Variants in ITPR2 observed in about 807,000 individuals in gnomAD.
ITPR2 encodes inositol 1,4,5-trisphosphate receptor type 2.
ITPR2 carries 207 observed loss-of-function variants against 317.1 expected under a neutral mutation model. The observed-to-expected ratio is 0.65, with a 90% CI of 0.58 to 0.73. ITPR2 has a LOEUF of 0.73. ITPR2 is among the 30% of genes least tolerant of loss of function. The pLI is 0.00. For missense variants in ITPR2, 2,613 were observed against 3,284.0 expected (o/e 0.80, Z 4.99); for synonymous variants, 1,156 against 1,149.1 (o/e 1.01, Z -0.12).
chr12:26,787,200 A>G (rs377107992), intron 2 of ITPR2, among the ~76,000 whole-genome samples: 18 of 152,358 alleles, frequency 1.2e-4, no homozygotes, highest in African/African-American at 4.1e-4. Context: ...TAAACAATGC[A>G]TCATGGGAGA....
At chr12:26,625,034 GCAA>G (rs1946589439) in intron 23 of ITPR2, among the ~76,000 whole-genome samples, 1 of 152,072 alleles carries the variant, frequency 6.6e-6, no homozygotes, top group Non-Finnish European at 1.5e-5. Flanking sequence ...CCTGTCATCT[GCAA>G]CAACATGGAT....
chr12:26,511,440 G>C (rs1943343379), intron 37 of ITPR2, among the ~76,000 whole-genome samples: 1 of 152,152 alleles, frequency 6.6e-6, no homozygotes, highest in East Asian at 1.9e-4. Context: ...CTATTTGGTT[G>C]GTATGATTTT....
At chr12:26,601,439 C>G (rs1179183645) in intron 28 of ITPR2, among the ~76,000 whole-genome samples, 1 of 151,906 alleles carries the variant, frequency 6.6e-6, no homozygotes, top group African/African-American at 2.4e-5. Context: ...AGAGTCGAAG[C>G]AAGGAGAATA....
chr12:26,513,066 C>A (rs1331276980), intron 37 of ITPR2, among the ~76,000 whole-genome samples: 3 of 152,094 alleles, frequency 2.0e-5, no homozygotes, highest in African/African-American at 7.2e-5. Context: ...TGATCTTGAA[C>A]TCCTGACCTC....
chr12:26,826,718 G>A (rs1371765438), intron 1 of ITPR2, among the ~76,000 whole-genome samples: 1 of 152,110 alleles, frequency 6.6e-6, no homozygotes, highest in Non-Finnish European at 1.5e-5. Flanking sequence ...TCAAGGCAAA[G>A]GTGGCTATCA....
intron 37 of ITPR2, among the ~76,000 whole-genome samples, chr12:26,515,106 A>G (rs1031841695): frequency 3.9e-5 from 6 of 152,230 alleles, no homozygotes; most frequent in Non-Finnish European, 8.8e-5. Flanking sequence ...TCTTACTCAG[A>G]TTGAACCAGT....
intron 26 of ITPR2, among the ~76,000 whole-genome samples, chr12:26,616,794 C>A (rs996448614): frequency 2.6e-5 from 4 of 152,108 alleles, no homozygotes; most frequent in South Asian, 4.1e-4. Context: ...CCTCTGCCCC[C>A]CTTCAGACAG....
chr12:26,378,343 C>T (rs558950538), intron 55 of ITPR2, among the ~76,000 whole-genome samples: 1 of 152,020 alleles, frequency 6.6e-6, no homozygotes, highest in East Asian at 1.9e-4. Context: ...AGAAGGCACA[C>T]GTGGGCCGAG....
chr12:26,796,396 C>A (rs1434495207), intron 1 of ITPR2, among the ~76,000 whole-genome samples: 2 of 151,998 alleles, frequency 1.3e-5, no homozygotes, highest in Non-Finnish European at 2.9e-5. Flanking sequence ...AAATTTAAGT[C>A]AAATGAAAAT....
At chr12:26,560,279 C>T (rs1002334818) in intron 35 of ITPR2, among the ~76,000 whole-genome samples, 1 of 152,062 alleles carries the variant, frequency 6.6e-6, no homozygotes, top group African/African-American at 2.4e-5. Flanking sequence ...CTACCCTTAG[C>T]CTCTCATAGG....
chr12:26,630,057 G>A (rs1946713869), intron 22 of ITPR2, among the ~76,000 whole-genome samples: 1 of 152,196 alleles, frequency 6.6e-6, no homozygotes, highest in Non-Finnish European at 1.5e-5. Flanking sequence ...GACAGCTCAT[G>A]GGAAAAGAGG....
chr12:26,538,140 G>A (rs1417586552), intron 37 of ITPR2, among the ~76,000 whole-genome samples: 2 of 152,162 alleles, frequency 1.3e-5, no homozygotes, highest in Non-Finnish European at 2.9e-5. Flanking sequence ...GGGCCAGATT[G>A]GCTGGATTTT....
chr12:26,521,188 C>A (rs1263325925), intron 37 of ITPR2, among the ~76,000 whole-genome samples: 1 of 152,076 alleles, frequency 6.6e-6, no homozygotes, highest in East Asian at 1.9e-4. Context: ...AATAGTTATA[C>A]AAAACTGACA....
chr12:26,621,226 C>A lies in ITPR2; in HGVS notation c.3359G>T (p.Arg1120Leu). 2 of 1,613,592 alleles carry A rather than the reference C, an allele frequency of 1.2e-6. No homozygotes were observed. The highest frequency in any genetic ancestry group is 1.7e-6 in the Non-Finnish European group (2 of 1,179,602). ...TAGCTCAGACTTTTCTACTGTCAGT[C>A]GAAGCTGGTCTAGATCTGCCTTGAT... ...KQIKADLDQL[R>L]LTVEKSELWV... The change falls in exon 26 of 57, where the codon CGA becomes CTA. Residue 1120 changes from arginine (R) to leucine (L), a missense_variant. Around this residue, in one of 9 missense-constraint regions of ITPR2, gnomAD observed 817 missense variants for 897.6 expected, o/e 0.91. Transcript: ENST00000381340.
intron 54 of ITPR2, among the ~76,000 whole-genome samples, chr12:26,393,573 C>A (rs1030925902): frequency 4.6e-5 from 7 of 152,154 alleles, no homozygotes; most frequent in African/African-American, 1.7e-4. Flanking sequence ...AAAAAAGTTT[C>A]TATTTTATTT....
chr12:26,396,072 C>T (rs1268487951), intron 54 of ITPR2, among the ~76,000 whole-genome samples: 3 of 151,752 alleles, frequency 2.0e-5, no homozygotes, highest in Admixed American at 6.6e-5. Flanking sequence ...TGAGGTGACC[C>T]AAGGGAAGAA....
rs184436745 is a variant in ITPR2, at chr12:26,572,737, G to A, written c.4630+5976C>T. ...TGGTTTCCTTACTTGGGGCTTTGAA[G>A]GTTCTTGGTCTGACTTAACCTAAAT... On this transcript the variant is annotated intron_variant, in intron 34 of 56. Transcript: ENST00000381340. Among the ~76,000 whole-genome samples, 142 of 152,270 alleles carry A rather than the reference G, an allele frequency of 9.3e-4. 1 individual carries two copies. The highest frequency in any genetic ancestry group is 3.3e-3 in the African/African-American group (138 of 41,558).
intron 2 of ITPR2, among the ~76,000 whole-genome samples, chr12:26,783,112 T>C (rs1950125425): frequency 6.6e-6 from 1 of 152,152 alleles, no homozygotes; most frequent in Non-Finnish European, 1.5e-5. Flanking sequence ...AAAGAAGAGA[T>C]TTTCTCCATT....
intron 1 of ITPR2, among the ~76,000 whole-genome samples, chr12:26,798,326 G>GT (rs1215560488): frequency 6.6e-6 from 1 of 152,138 alleles, no homozygotes; most frequent in African/African-American, 2.4e-5. Flanking sequence ...CACGTTCCTC[G>GT]TATTTCTGTG....
Sources: allele counts gnomAD v4.1 joint callset (sites outside exome capture counted in the v4.1 genomes callset), GRCh38; gene constraint gnomAD v4.1.1; regional missense constraint gnomAD v4.1.1; transcripts MANE v1.5; gene names NCBI Gene and HGNC (gene_info 2026-07-23, HGNC 2026-07-21).